The following MYOM2 variants were observed in gnomAD, a reference collection of about 807,000 sequenced individuals.
The protein encoded by MYOM2 is myomesin 2, also known as myomesin-2.
A neutral mutation model predicts 187.6 loss-of-function variants in MYOM2; 254 were observed. That is an observed-to-expected ratio of 1.35 (90% CI 1.22 to 1.50). The LOEUF (loss-of-function observed/expected upper bound fraction) is 1.50. Among genes scored for constraint, MYOM2 ranks in the 40% most tolerant of loss-of-function variants. The pLI is 0.00. For synonymous variants in MYOM2, 981 were observed against 753.8 expected (o/e 1.30, Z -4.94); for missense variants, 2,796 against 1,924.0 (o/e 1.45, Z -8.48).
rs1163829777 is a variant in MYOM2, at chr8:2,140,899, T to C, written c.3964+13T>C. 1.5e-5 allele frequency: 24 copies of C among 1,588,794 alleles called. No individual in the cohort carries two copies. The highest frequency in any genetic ancestry group is 2.1e-5 in the Non-Finnish European group (24 of 1,165,268). ...CTGTCCGGACAAGGTAAGAGAATTC[T>C]TCTTTAGCATTTAATAATTTCCTAT... On this transcript the variant is annotated intron_variant, in intron 33 of 36. Transcript: ENST00000262113.
chr8:2,078,709 T>A (rs1563437166), intron 11 of MYOM2, 25 bp from the exon 12 acceptor site: 1 of 1,611,376 alleles, frequency 6.2e-7, no homozygotes, highest in Non-Finnish European at 8.5e-7. Flanking sequence ...CTATTCTCTG[T>A]TGTTTTTCTT....
chr8:2,060,463 T>C (rs1451251999), intron 6 of MYOM2, among the ~76,000 whole-genome samples: 1 of 152,206 alleles, frequency 6.6e-6, no homozygotes, highest in Non-Finnish European at 1.5e-5. Context: ...CTTGTGTGTG[T>C]AGTCAGTTAT....
At chr8:2,063,338 C>T (rs945040378) in intron 6 of MYOM2, among the ~76,000 whole-genome samples, 1 of 152,164 alleles carries the variant, frequency 6.6e-6, no homozygotes, top group Non-Finnish European at 1.5e-5. Context: ...ACATTTATTC[C>T]TATGAATATT....
chr8:2,079,196 T>G (rs538457128), intron 12 of MYOM2, among the ~76,000 whole-genome samples: 53 of 119,826 alleles, frequency 4.4e-4, no homozygotes, highest in African/African-American at 1.9e-3. Flanking sequence ...TGGCTCAGAA[T>G]TAGACCTTTT....
chr8:2,046,897 G>C (rs150182022), intron 1 of MYOM2, among the ~76,000 whole-genome samples: 57 of 151,972 alleles, frequency 3.8e-4, no homozygotes, highest in African/African-American at 1.4e-3. Context: ...TCTTTATAGT[G>C]TCATAAATAG....
rs1033470545 is a variant in MYOM2, at chr8:2,124,080, A to T, written c.3656-99A>T. On this transcript the variant is annotated intron_variant, in intron 30 of 36. Coordinates refer to ENST00000262113, the MANE Select transcript of MYOM2 (RefSeq NM_003970.4). ...ATTTTAATGATTCATTTTTCAACTG[A>T]ACATCACAATTTCCTGCATCGATTT... is the stretch of plus-strand genomic sequence containing the variant. 3.6e-5 allele frequency: 43 copies of T among 1,199,374 alleles called. No individual in the cohort carries two copies. The Admixed American group carries it at 5.2e-4, about 15-fold the overall frequency. 74.3% of individuals were successfully genotyped at this position (1,199,374 alleles called of 1,614,324 possible). A position where few individuals can be genotyped will look rare whatever the true frequency, so the allele number is the denominator to read the frequency against.
intron 20 of MYOM2, among the ~76,000 whole-genome samples, chr8:2,101,284 C>A (rs1050073579): frequency 1.3e-5 from 2 of 152,196 alleles, no homozygotes; most frequent in African/African-American, 2.4e-5. Flanking sequence ...ACCCGGGAGG[C>A]GGAGGTTGCG....
chr8:2,075,715 A>G (rs1819392895), intron 10 of MYOM2, among the ~76,000 whole-genome samples: 1 of 152,254 alleles, frequency 6.6e-6, no homozygotes, highest in African/African-American at 2.4e-5. Context: ...AGTTGGCGAA[A>G]AGAGTAAATC....
chr8:2,110,000 G>T (rs1365340793), intron 25 of MYOM2, among the ~76,000 whole-genome samples: 2 of 152,154 alleles, frequency 1.3e-5, no homozygotes, highest in African/African-American at 2.4e-5. Flanking sequence ...TCTTGGTGTG[G>T]CAGACTGATG....
In MYOM2 at chr8:2,143,541, A is replaced by G; in HGVS notation, c.4080+85A>G. ...CTTCTCTTGGGGCGGAGCAGAGGGA[A>G]CCCAGTGAGGGGCTTCTGTGTCCTC... is the stretch of plus-strand genomic sequence containing the variant. On this transcript the variant is annotated intron_variant, in intron 36 of 36. Transcript: ENST00000262113. The G allele has an allele frequency of 2.6e-6, 4 of 1,533,642 alleles. No homozygotes were observed. In the South Asian group the frequency reaches 3.4e-5, roughly 13 times the overall value.
At chr8:2,072,559 C>G in intron 9 of MYOM2, 50 bp downstream of exon 9, 1 of 1,571,134 alleles carries the variant, frequency 6.4e-7, no homozygotes. Context: ...GGCTTTTGGA[C>G]GGAAATGTCC....
chr8:2,136,003 G>A (rs542375433), intron 32 of MYOM2, among the ~76,000 whole-genome samples: 2 of 152,342 alleles, frequency 1.3e-5, no homozygotes, highest in South Asian at 2.1e-4. Flanking sequence ...AGCCAGGGTT[G>A]CAGACGCAGG....
At position 2,059,183 on chromosome 8, in the gene MYOM2, G is replaced by T; in HGVS notation, c.591G>T (p.Ala197=). The T allele has an allele frequency of 6.2e-7, 1 of 1,614,168 alleles. No homozygotes were observed. Among genetic ancestry groups the T allele is most frequent in the South Asian group, 1.1e-5 (1 of 91,080 alleles). The change falls in exon 6 of 37, where the codon GCG becomes GCT. Residue 197 remains alanine, a synonymous_variant. Coordinates refer to ENST00000262113, the MANE Select transcript of MYOM2 (RefSeq NM_003970.4). ...AAGATGGCAGTCTGATTTGCCAGGC[G>T]GCTGAACCGGGAAAGTACAGGATTG... The part of the protein sequence containing the change: ...WYKDGSLICQ[A]AEPGKYRIES...
intron 8 of MYOM2, among the ~76,000 whole-genome samples, chr8:2,070,862 C>T (rs1819190056): frequency 6.6e-6 from 1 of 152,212 alleles, no homozygotes; most frequent in African/African-American, 2.4e-5. Flanking sequence ...AATTATTTTC[C>T]AAGAACTGAA....
intron 26 of MYOM2, 49 bp downstream of exon 26, chr8:2,116,153 A>G (rs1220665909): frequency 6.2e-7 from 1 of 1,602,666 alleles, no homozygotes; most frequent in Non-Finnish European, 8.5e-7. Context: ...ATTCAAATGA[A>G]ATTCTTTTGA....
chr8:2,106,778 T>C (rs3817708), intron 23 of MYOM2, among the ~76,000 whole-genome samples, 181 bp downstream of exon 23: 28,688 of 152,234 alleles, frequency 0.19, 3,396 homozygotes, highest in Non-Finnish European at 0.26. Flanking sequence ...CTAAAGTTTA[T>C]ACTGTTTCCA....
At chr8:2,076,005 A>T in intron 10 of MYOM2, 136 bp from the exon 11 acceptor site, 1 of 729,640 alleles carries the variant, frequency 1.4e-6, no homozygotes, top group Non-Finnish European at 2.1e-6. Flanking sequence ...GAAATATTCT[A>T]GTACTTTGAA....
chr8:2,057,351 C>G lies in MYOM2; in HGVS notation c.267C>G (p.Tyr89Ter). ...GGCTGCTTCTCGGCTCCTGCAGGTA[C>G]CAGTCCCTGGTGGCCGCCTATGGTG... The part of the protein sequence containing the change: ...EDEEQENRSR[Y>*]QSLVAAYGEA... Residue 89 changes from tyrosine (Y) to a stop codon, truncating the protein, a stop_gained, in exon 4 of 37, where the codon TAC (tyrosine) becomes TAG (stop). Transcript: ENST00000262113. LOFTEE classifies it high-confidence loss of function. 1 of 1,603,982 alleles carries G rather than the reference C, an allele frequency of 6.2e-7. No homozygotes were observed. The highest frequency in any genetic ancestry group is 8.5e-7 in the Non-Finnish European group (1 of 1,174,818).
intron 17 of MYOM2, among the ~76,000 whole-genome samples, chr8:2,095,088 C>T (rs1796433672): frequency 6.6e-6 from 1 of 152,168 alleles, no homozygotes; most frequent in Non-Finnish European, 1.5e-5. Context: ...ACTAAATTTG[C>T]AACATTTTCA....
Sources: gnomAD v4.1 joint callset for allele counts (sites outside exome capture counted in the v4.1 genomes callset) on GRCh38, gnomAD v4.1.1 for gene constraint, MANE v1.5 for transcripts, NCBI Gene and HGNC (gene_info 2026-07-23, HGNC 2026-07-21) for gene names.